Variants in UNC13C observed in about 807,000 individuals in gnomAD.
The protein encoded by UNC13C is protein unc-13 homolog C.
In UNC13C, 174 loss-of-function variants were observed where a neutral mutation model predicts 245.4. The observed-to-expected ratio is 0.71, with a 90% confidence interval of 0.63 to 0.80. The LOEUF is 0.80. UNC13C is among the 30% of genes least tolerant of loss of function. The pLI is 0.00. For missense variants in UNC13C, 2,829 were observed against 2,602.9 expected, an observed-to-expected ratio of 1.09 and a Z score of -1.89; for synonymous variants, 992 against 895.1, an observed-to-expected ratio of 1.11 and a Z score of -1.93.
At chr15:54,254,272 G>C (rs1567137535) in intron 8 of UNC13C, among the ~76,000 whole-genome samples, 1 of 152,156 alleles carries the variant, frequency 6.6e-6, no homozygotes, top group Non-Finnish European at 1.5e-5. Flanking sequence ...TGGGCTCTCA[G>C]AGCTGCAAAG....
intron 2 of UNC13C, among the ~76,000 whole-genome samples, chr15:54,064,819 G>A (rs940260359): frequency 6.6e-6 from 1 of 152,160 alleles, no homozygotes; most frequent in African/African-American, 2.4e-5. Context: ...CAAAATATTA[G>A]AGGTTTTAAT....
intron 4 of UNC13C, among the ~76,000 whole-genome samples, chr15:54,157,530 C>G (rs1390019824): frequency 6.6e-6 from 1 of 152,118 alleles, no homozygotes; most frequent in Admixed American, 6.6e-5. Context: ...TGGGGAGTTT[C>G]TTAGGTTGCA....
chr15:54,479,826 T>C (rs1352399021), intron 19 of UNC13C, among the ~76,000 whole-genome samples: 1 of 152,176 alleles, frequency 6.6e-6, no homozygotes, highest in African/African-American at 2.4e-5. Flanking sequence ...TAAGCATTTC[T>C]TGTAAGGCCT....
At chr15:54,017,164 A>G (rs1339833284) in intron 2 of UNC13C, among the ~76,000 whole-genome samples, 2 of 152,232 alleles carry the variant, frequency 1.3e-5, no homozygotes, top group Admixed American at 1.3e-4. Flanking sequence ...TTTATTTAGG[A>G]ATGATATAAG....
chr15:54,488,536 G>T (rs1490190430), intron 19 of UNC13C, among the ~76,000 whole-genome samples: 1 of 152,132 alleles, frequency 6.6e-6, no homozygotes, highest in Non-Finnish European at 1.5e-5. Context: ...TTTGGCATGA[G>T]AATAGGTCAA....
intron 17 of UNC13C, among the ~76,000 whole-genome samples, chr15:54,361,770 G>C (rs1392167144): frequency 1.3e-5 from 2 of 152,204 alleles, no homozygotes; most frequent in African/African-American, 4.8e-5. Flanking sequence ...GTTTGAGTAA[G>C]ACTTACTCTG....
chr15:54,083,390 C>T (rs941767351), intron 2 of UNC13C, among the ~76,000 whole-genome samples: 2 of 152,162 alleles, frequency 1.3e-5, no homozygotes, highest in African/African-American at 4.8e-5. Context: ...GCTTGTCTGG[C>T]CTCCGTTGTC....
At chr15:54,538,931 AC>A (rs905911124) in intron 26 of UNC13C, among the ~76,000 whole-genome samples, 3 of 152,064 alleles carry the variant, frequency 2.0e-5, no homozygotes, top group Non-Finnish European at 4.4e-5. Flanking sequence ...TAATCTGTAC[AC>A]CAAACACCCA....
intron 13 of UNC13C, among the ~76,000 whole-genome samples, chr15:54,307,337 C>A (rs996042234): frequency 2.0e-4 from 31 of 151,938 alleles, no homozygotes; most frequent in African/African-American, 6.8e-4. Flanking sequence ...TGGAAGCTCT[C>A]TGGGGCCTCT....
At chr15:53,956,878 G>GTGTGTGTGTGTGTGTGTGTT in the UNC13C span, among the ~76,000 whole-genome samples, 1 of 136,908 alleles carries the variant, frequency 7.3e-6, no homozygotes, top group Non-Finnish European at 1.5e-5. Flanking sequence ...AAGCTCAAGT[G>GTGTGTGTGTGTGTGTGTGTT]TGTGTGTGTG....
the UNC13C span, among the ~76,000 whole-genome samples, chr15:53,970,362 C>G: frequency 6.4e-4 from 97 of 152,330 alleles, no homozygotes; most frequent in Non-Finnish European, 1.5e-5. Context: ...AGCCACTGAA[C>G]TCTGCCATTT....
At chr15:54,302,654 C>T (rs983143311) in intron 13 of UNC13C, among the ~76,000 whole-genome samples, 3 of 152,124 alleles carry the variant, frequency 2.0e-5, no homozygotes, top group African/African-American at 7.2e-5. Flanking sequence ...GTCTCTATAT[C>T]TGTGTTGGTA....
chr15:54,351,910 C>G (rs1196947360), intron 17 of UNC13C, among the ~76,000 whole-genome samples: 1 of 152,096 alleles, frequency 6.6e-6, no homozygotes, highest in African/African-American at 2.4e-5. Context: ...TATCTTTTGT[C>G]TCTACTTCAG....
intron 1 of UNC13C, among the ~76,000 whole-genome samples, chr15:53,984,240 G>C (rs1894037626): frequency 6.6e-6 from 1 of 151,912 alleles, no homozygotes; most frequent in African/African-American, 2.4e-5. Flanking sequence ...TGCCTTCCCA[G>C]CTTTATCTCT....
the UNC13C span, among the ~76,000 whole-genome samples, chr15:53,947,225 C>T: frequency 1.1e-4 from 16 of 152,178 alleles, no homozygotes; most frequent in South Asian, 3.3e-3. Flanking sequence ...TCCAATAAGG[C>T]CTAAGAAAAA....
intron 2 of UNC13C, among the ~76,000 whole-genome samples, chr15:54,032,200 T>C (rs779658857): frequency 3.9e-5 from 6 of 152,212 alleles, no homozygotes; most frequent in African/African-American, 1.2e-4. Context: ...TTTGATTCAA[T>C]TGGTAGCTTT....
chr15:53,906,521 CT>C, the UNC13C span, among the ~76,000 whole-genome samples: 9 of 152,276 alleles, frequency 5.9e-5, no homozygotes, highest in Admixed American at 3.3e-4. Context: ...TAAATGGCCC[CT>C]GTCTCCCTTT....
intron 2 of UNC13C, among the ~76,000 whole-genome samples, chr15:54,099,452 C>T (rs1204788928): frequency 1.3e-5 from 2 of 152,124 alleles, no homozygotes; most frequent in African/African-American, 4.8e-5. Context: ...CTCCAGCAAC[C>T]CTGCTGTATT....
intron 10 of UNC13C, among the ~76,000 whole-genome samples, chr15:54,291,615 A>G (rs575647358): frequency 2.2e-3 from 328 of 152,098 alleles, no homozygotes; most frequent in Non-Finnish European, 4.0e-3. Flanking sequence ...GCACTGTGCT[A>G]ACTGCTATAA....
Sources: allele counts gnomAD v4.1 joint callset (sites outside exome capture counted in the v4.1 genomes callset), GRCh38; gene constraint gnomAD v4.1.1; transcripts MANE v1.5; gene names NCBI Gene and HGNC (gene_info 2026-07-23, HGNC 2026-07-21).